Variants in DUSP16 observed in about 807,000 individuals in gnomAD.
The protein encoded by DUSP16 is dual specificity phosphatase 16, also known as dual specificity protein phosphatase 16.
Under a neutral mutation model 58.3 loss-of-function variants are expected in DUSP16, and 21 were observed. That is an observed-to-expected ratio of 0.36 (90% CI 0.26 to 0.52). The LOEUF (loss-of-function observed/expected upper bound fraction) is 0.52, where lower values mean the gene tolerates loss of function less well. DUSP16 is among the 20% of genes least tolerant of loss of function. The pLI, the probability that DUSP16 is intolerant of heterozygous loss-of-function variation, is 0.94. For synonymous variants in DUSP16, 320 were observed against 323.8 expected (o/e 0.99, Z 0.12); for missense variants, 726 against 819.0 (o/e 0.89, Z 1.39).
chr12:12,545,187 A>T (rs925399667), intron 1 of DUSP16, among the ~76,000 whole-genome samples: 1 of 152,194 alleles, frequency 6.6e-6, no homozygotes, highest in Non-Finnish European at 1.5e-5. Flanking sequence ...CAGCATCTAA[A>T]CATTTCATTT....
chr12:12,491,311 G>A lies in DUSP16; in HGVS notation c.532-4124C>T, dbSNP rs558101803. ...AGTGATCCTCCCGTCTCAGCCTCCCGAGTAGCTGGGATTACAGGCGTGTGC... is the reference window on the plus strand; with the variant it reads ...AGTGATCCTCCCGTCTCAGCCTCCCAAGTAGCTGGGATTACAGGCGTGTGC... On this transcript the variant is annotated intron_variant, in intron 4 of 6. Transcript: ENST00000298573. The A allele has an allele frequency of 5.3e-5, 8 of 152,010 alleles. No homozygotes were observed. The South Asian group carries it at 8.3e-4, about 16-fold the overall frequency. The allele number at this position is 152,010 out of a possible 1,614,324, so 9.4% of individuals were successfully genotyped here.
chr12:12,488,240 C>T (rs1200594148), intron 4 of DUSP16, among the ~76,000 whole-genome samples: 1 of 124,962 alleles, frequency 8.0e-6, no homozygotes, highest in Non-Finnish European at 1.8e-5. Flanking sequence ...TTCCAGAAGA[C>T]ACTCTTCCCA....
chr12:12,553,840 C>T (rs1366250565), intron 1 of DUSP16, among the ~76,000 whole-genome samples: 3 of 152,084 alleles, frequency 2.0e-5, no homozygotes, highest in South Asian at 2.1e-4. Flanking sequence ...TGGCCTCTTA[C>T]GATGTGTCTA....
intron 1 of DUSP16, among the ~76,000 whole-genome samples, chr12:12,523,581 T>G (rs1944263974): frequency 1.3e-5 from 2 of 152,228 alleles, no homozygotes; most frequent in African/African-American, 2.4e-5. Flanking sequence ...CTTTCATTAA[T>G]GTATTATTTT....
intron 1 of DUSP16, among the ~76,000 whole-genome samples, chr12:12,538,788 G>A (rs1014145723): frequency 2.0e-5 from 3 of 152,146 alleles, no homozygotes; most frequent in African/African-American, 7.2e-5. Flanking sequence ...GCAAATGCTT[G>A]TCAACTTCCT....
intron 5 of DUSP16, among the ~76,000 whole-genome samples, chr12:12,484,857 C>G (rs1269233271): frequency 6.6e-6 from 1 of 152,156 alleles, no homozygotes; most frequent in African/African-American, 2.4e-5. Flanking sequence ...GGTGATCCCC[C>G]CATCTCGGCC....
rs926863803 is a variant in DUSP16, at chr12:12,480,934, G to A, written c.692-588C>T. Among the ~76,000 whole-genome samples the A allele has an allele frequency of 2.0e-5, 3 of 152,066 alleles. No homozygotes were observed. The East Asian group carries it at 5.8e-4, about 29-fold the overall frequency. On this transcript the variant is annotated intron_variant, in intron 5 of 6. Transcript: ENST00000298573. ...CGGTTTCACCATGTTGGGCAGGCTG[G>A]TCTCTAACTCCTGGCCTCAAGTGAT...
At chr12:12,504,418 C>A (rs1943955044) in intron 3 of DUSP16, among the ~76,000 whole-genome samples, 1 of 151,972 alleles carries the variant, frequency 6.6e-6, no homozygotes, top group Non-Finnish European at 1.5e-5. Context: ...AACACCACCA[C>A]GCCCAGCTAA....
chr12:12,480,232 T>C lies in DUSP16; in HGVS notation c.806A>G (p.Glu269Gly). 1.2e-6 allele frequency: 2 copies of C among 1,614,064 alleles called. No homozygotes were observed. The highest frequency in any genetic ancestry group is 1.7e-6 in the Non-Finnish European group (2 of 1,179,988). ...ATTTTCCTGCCCTCACCTGTAAGCT[T>C]CATCTAAAGACATGTCCATCCTCTT... ...IMKRMDMSLDEAYRFVKEKRP... is the reference protein window; with the variant it reads ...IMKRMDMSLDGAYRFVKEKRP... The change falls in exon 6 of 7, where the codon GAA becomes GGA. Residue 269 changes from glutamate to glycine, a missense_variant. Coordinates refer to ENST00000298573, the MANE Select transcript of DUSP16 (RefSeq NM_030640.3).
At chr12:12,533,795 C>G (rs575863159) in intron 1 of DUSP16, among the ~76,000 whole-genome samples, 8 of 152,166 alleles carry the variant, frequency 5.3e-5, no homozygotes, top group Non-Finnish European at 1.0e-4. Flanking sequence ...GCTAAAATGG[C>G]GTATACAGTG....
chr12:12,560,146 A>G (rs926735241), intron 1 of DUSP16, among the ~76,000 whole-genome samples: 2 of 152,202 alleles, frequency 1.3e-5, no homozygotes, highest in Non-Finnish European at 2.9e-5. Context: ...AGCCCCCTCC[A>G]TAATCATGCA....
At chr12:12,554,849 A>C (rs1404949920) in intron 1 of DUSP16, among the ~76,000 whole-genome samples, 1 of 152,166 alleles carries the variant, frequency 6.6e-6, no homozygotes, top group African/African-American at 2.4e-5. Context: ...GGTGGGTATT[A>C]TCAAAATATC....
Position 12,476,733 on chromosome 12 carries a change from AAT to A in DUSP16, c.*98_*99del. The A allele has an allele frequency of 8.6e-7, 1 of 1,160,546 alleles. No individual in the cohort carries two copies. The highest frequency in any genetic ancestry group is 2.5e-5 in the Admixed American group (1 of 40,502). 71.9% of individuals were successfully genotyped at this position (1,160,546 alleles called of 1,614,324 possible). On this transcript the variant is annotated 3_prime_UTR_variant, in exon 7 of 7. Transcript: ENST00000298573. ...TTACACCATAGCTCCATTTTCCAAA[AAT>A]ATATATGTATGTACATATATATATT...
At chr12:12,548,843 A>G (rs772011341) in intron 1 of DUSP16, among the ~76,000 whole-genome samples, 43 of 151,966 alleles carry the variant, frequency 2.8e-4, no homozygotes, top group South Asian at 4.2e-4. Context: ...GCAGGTCTGC[A>G]ATCGTGGAGA....
intron 1 of DUSP16, among the ~76,000 whole-genome samples, chr12:12,524,956 T>C (rs1944283534): frequency 6.6e-6 from 1 of 152,206 alleles, no homozygotes; most frequent in Non-Finnish European, 1.5e-5. Flanking sequence ...TTCATAATCC[T>C]TCTTCTACCA....
chr12:12,562,799 C>G lies in DUSP16; in HGVS notation c.-1048G>C, dbSNP rs925083883. 6.6e-6 allele frequency among the ~76,000 whole-genome samples: 1 copy of G among 151,572 alleles called. No individual in the cohort carries two copies. Among genetic ancestry groups the G allele is most frequent in the Non-Finnish European group, 1.5e-5 (1 of 67,824 alleles). On this transcript the variant is annotated 5_prime_UTR_variant, in exon 1 of 7. Coordinates refer to ENST00000298573, the MANE Select transcript of DUSP16 (RefSeq NM_030640.3). Reference sequence around the variant, plus strand: ...GCCGCCCGAGCCCGGAGCGCGGCTCCGCGCCTCGTTCCGGCCGCTCGGGGA... The same window carrying G: ...GCCGCCCGAGCCCGGAGCGCGGCTCGGCGCCTCGTTCCGGCCGCTCGGGGA...
At chr12:12,511,511 C>A (rs544095580) in intron 3 of DUSP16, among the ~76,000 whole-genome samples, 119 of 151,960 alleles carry the variant, frequency 7.8e-4, no homozygotes, top group Non-Finnish European at 1.5e-3. Context: ...ATGTTCTTTC[C>A]CCCTCAGAAT....
chr12:12,521,952 A>G (rs558216768), intron 1 of DUSP16, among the ~76,000 whole-genome samples: 1 of 151,708 alleles, frequency 6.6e-6, no homozygotes, highest in South Asian at 2.1e-4. Flanking sequence ...GGGTAGGTGT[A>G]TATGTGTGTA....
chr12:12,473,412 T>C lies in DUSP16; in HGVS notation c.*3421A>G, dbSNP rs1943354080. Among the ~76,000 whole-genome samples the C allele has an allele frequency of 6.6e-6, 1 of 152,214 alleles. No homozygotes were observed. Among genetic ancestry groups the C allele is most frequent in the African/African-American group, 2.4e-5 (1 of 41,464 alleles). ...CTGAACTTCAGGCTCTCCCAAGATC[T>C]GCATCTTCTCATTGGAAGCCTCTCA... On this transcript the variant is annotated 3_prime_UTR_variant, in exon 7 of 7. Coordinates refer to ENST00000298573, the MANE Select transcript of DUSP16 (RefSeq NM_030640.3).
Sources: allele counts gnomAD v4.1 joint callset (sites outside exome capture counted in the v4.1 genomes callset), GRCh38; gene constraint gnomAD v4.1.1; transcripts MANE v1.5; gene names NCBI Gene and HGNC (gene_info 2026-07-23, HGNC 2026-07-21).